The following ARHGEF33 variants were observed in gnomAD, a reference collection of about 807,000 sequenced individuals.
ARHGEF33 encodes the protein DH and coiled-coil domain-containing protein ENSP00000381780.
Under a neutral mutation model 101.9 loss-of-function variants are expected in ARHGEF33, and 72 were observed. The ratio of observed to expected loss-of-function variants is 0.71; its 90% CI spans 0.58 to 0.86. ARHGEF33 has a LOEUF of 0.86. Ranked by LOEUF, ARHGEF33 falls within the 40% of genes least tolerant of loss-of-function variation. The probability of loss-of-function intolerance (pLI) is 0.00; values close to 1 mark genes in which losing one functional copy is unlikely to be tolerated. For missense variants in ARHGEF33, 1,169 were observed against 1,111.3 expected, an observed-to-expected ratio of 1.05 and a Z score of -0.74; for synonymous variants, 499 against 442.5, an observed-to-expected ratio of 1.13 and a Z score of -1.60.
chr2:38,970,926 C>A (rs1437867354), intron 17 of ARHGEF33, among the ~76,000 whole-genome samples: 1 of 152,152 alleles, frequency 6.6e-6, no homozygotes, highest in Non-Finnish European at 1.5e-5. Flanking sequence ...ATCAGATTGC[C>A]TCCACGATAC....
In ARHGEF33 at chr2:38,931,191, G is replaced by A. The variant is rs534780981; in HGVS notation, c.445G>A (p.Glu149Lys). 1 of 1,551,568 alleles carries A rather than the reference G, an allele frequency of 6.4e-7. No individual in the cohort carries two copies. Among genetic ancestry groups the A allele is most frequent in the South Asian group, 1.2e-5 (1 of 84,054 alleles). Reference protein sequence around the residue: ...GSPFRSINIPEPVLPSEDFTN... With the variant: ...GSPFRSINIPKPVLPSEDFTN... The stretch of plus-strand genomic sequence containing the variant: ...TCCTTTTCGTTCTATCAATATCCCT[G>A]AGCCTGTTCTTCCAAGCGAAGACTT... Residue 149 changes from glutamate (E) to lysine (K), a missense_variant, in exon 7 of 18, where the codon GAG becomes AAG. Physicochemically the swap from Glu to Lys is moderately conservative, Grantham distance 56. Transcript: ENST00000409978.
At chr2:38,929,888 G>A (rs752807275) in intron 6 of ARHGEF33, 58 bp downstream of exon 6, 42 of 1,489,014 alleles carry the variant, frequency 2.8e-5, no homozygotes, top group Non-Finnish European at 3.6e-5. Context: ...CTTCTGCAGA[G>A]GCACCTGGTA....
intron 10 of ARHGEF33, among the ~76,000 whole-genome samples, chr2:38,944,955 A>G (rs1276787125): frequency 6.6e-6 from 1 of 151,808 alleles, no homozygotes; most frequent in Non-Finnish European, 1.5e-5. Context: ...CAATGCCGCA[A>G]CACTCCACCT....
At chr2:38,941,883 T>G (rs1362552076) in intron 9 of ARHGEF33, among the ~76,000 whole-genome samples, 2 of 151,918 alleles carry the variant, frequency 1.3e-5, no homozygotes, top group Non-Finnish European at 2.9e-5. Flanking sequence ...TTTAGGATCT[T>G]GTTTTTATTC....
At chr2:38,923,886 T>A (rs1283453576) in intron 4 of ARHGEF33, among the ~76,000 whole-genome samples, 3 of 152,202 alleles carry the variant, frequency 2.0e-5, no homozygotes, top group Non-Finnish European at 4.4e-5. Context: ...ATTTATTTTG[T>A]CTCCAAATGT....
At chr2:38,913,746 G>A (rs529201078) in intron 2 of ARHGEF33, among the ~76,000 whole-genome samples, 1 of 151,706 alleles carries the variant, frequency 6.6e-6, no homozygotes, top group African/African-American at 2.4e-5. Flanking sequence ...ACTGCACTGG[G>A]GGACAGAGTA....
At chr2:38,929,427 TA>T (rs1250875790) in intron 5 of ARHGEF33, among the ~76,000 whole-genome samples, 170 of 144,084 alleles carry the variant, frequency 1.2e-3, no homozygotes, top group Middle Eastern at 3.5e-3. Context: ...GACTCTGTCT[TA>T]AAAAAAAAAA....
At chr2:38,971,949 A>G (rs1371022941) in intron 17 of ARHGEF33, 1 of 718,542 alleles carries the variant, frequency 1.4e-6, no homozygotes, top group East Asian at 2.7e-5. Flanking sequence ...TTTCAGGTAA[A>G]CACTAAACAG....
chr2:38,923,742 G>A (rs1214051539), intron 4 of ARHGEF33, among the ~76,000 whole-genome samples: 2 of 152,070 alleles, frequency 1.3e-5, no homozygotes, highest in South Asian at 2.1e-4. Flanking sequence ...AAACAGTGTT[G>A]GAAAGATTTT....
chr2:38,957,165 G>T, intron 14 of ARHGEF33, 118 bp downstream of exon 14: 1 of 1,219,950 alleles, frequency 8.2e-7, no homozygotes, highest in East Asian at 2.6e-5. Context: ...TAGAAGGAAA[G>T]AGAGAAGGGG....
chr2:38,972,056 G>A (rs1668176329), intron 17 of ARHGEF33: 3 of 681,862 alleles, frequency 4.4e-6, no homozygotes, highest in Non-Finnish European at 8.2e-6. Context: ...CAAGTTTTGA[G>A]TAATGACTTT....
intron 1 of ARHGEF33, among the ~76,000 whole-genome samples, chr2:38,894,524 G>T (rs1390541399): frequency 6.6e-6 from 1 of 152,130 alleles, no homozygotes; most frequent in Non-Finnish European, 1.5e-5. Context: ...ACAAAGGTAG[G>T]CAGTCTAGTG....
intron 4 of ARHGEF33, among the ~76,000 whole-genome samples, chr2:38,926,068 C>T (rs1007610684): frequency 2.6e-5 from 4 of 152,102 alleles, no homozygotes; most frequent in African/African-American, 7.2e-5. Context: ...AGGAAGAATT[C>T]GGACTCCTCT....
chr2:38,934,345 G>T, intron 7 of ARHGEF33, among the ~76,000 whole-genome samples: 1 of 152,120 alleles, frequency 6.6e-6, no homozygotes, highest in East Asian at 1.9e-4. Context: ...GTTTTAACTT[G>T]CCTCTGCTTT....
At chr2:38,931,507 AT>A (rs1334665996) in intron 7 of ARHGEF33, among the ~76,000 whole-genome samples, 6 of 152,178 alleles carry the variant, frequency 3.9e-5, no homozygotes, top group Admixed American at 3.9e-4. Flanking sequence ...TGAATTAAAA[AT>A]AATTTATTGT....
intron 3 of ARHGEF33, 117 bp downstream of exon 3, chr2:38,919,589 C>A: frequency 9.4e-7 from 1 of 1,060,168 alleles, no homozygotes; most frequent in Non-Finnish European, 1.4e-6. Context: ...ATTTCCCTAT[C>A]ATCATATAAT....
chr2:38,892,973 A>C (rs1386994084), intron 1 of ARHGEF33, among the ~76,000 whole-genome samples: 1 of 152,082 alleles, frequency 6.6e-6, no homozygotes, highest in Non-Finnish European at 1.5e-5. Context: ...TGATCTTGTT[A>C]TACCTCTGCT....
rs1225129779 is a variant in ARHGEF33 at position 38,899,409 on chromosome 2, C to T, written c.-86+3560C>T. Among the ~76,000 whole-genome samples the T allele has an allele frequency of 3.3e-5, 5 of 152,112 alleles. No individual in the cohort carries two copies. The South Asian group carries it at 6.2e-4, about 19-fold the overall frequency. ...TTATCCTGAGGCTTCAAGTCCAGCACTCTAGTATCATAAGATATTATGCTC... is the reference window on the plus strand; with the variant it reads ...TTATCCTGAGGCTTCAAGTCCAGCATTCTAGTATCATAAGATATTATGCTC... On this transcript the variant is annotated intron_variant, in intron 2 of 17. Transcript: ENST00000409978.
chr2:38,953,255 C>A lies in ARHGEF33; in HGVS notation c.1137+10C>A. 6.9e-7 allele frequency: 1 copy of A among 1,454,758 alleles called. No homozygotes were observed. The highest frequency in any genetic ancestry group is 9.5e-7 in the Non-Finnish European group (1 of 1,058,144). The allele number at this position is 1,454,758 out of a possible 1,614,324, so 90.1% of individuals were successfully genotyped here. Reference sequence around the variant, plus strand: ...TGTAGTCCTGAAAGAGGTGAGTTAACGCCATATATATGCTATCCTTCATCT... The same window carrying A: ...TGTAGTCCTGAAAGAGGTGAGTTAAAGCCATATATATGCTATCCTTCATCT... On this transcript the variant is annotated intron_variant, in intron 12 of 17. Coordinates refer to ENST00000409978, the MANE Select transcript of ARHGEF33 (RefSeq NM_001145451.5).
Sources: gnomAD v4.1 joint callset for allele counts (sites outside exome capture counted in the v4.1 genomes callset) on GRCh38, gnomAD v4.1.1 for gene constraint, MANE v1.5 for transcripts, NCBI Gene and HGNC (gene_info 2026-07-23, HGNC 2026-07-21) for gene names.